The following LPP variants were observed in gnomAD, a reference collection of about 807,000 sequenced individuals.
LPP encodes the protein lipoma-preferred partner.
A neutral mutation model predicts 60.4 loss-of-function variants in LPP; 38 were observed. The ratio of observed to expected loss-of-function variants is 0.63; its 90% CI spans 0.49 to 0.83. The LOEUF is 0.83. Among genes scored for constraint, LPP ranks in the 40% least tolerant of loss-of-function variants. The probability of loss-of-function intolerance (pLI) is 0.00; values close to 1 mark genes in which losing one functional copy is unlikely to be tolerated. For missense variants in LPP, 902 were observed against 783.6 expected (o/e 1.15, Z -1.80); for synonymous variants, 328 against 290.8 (o/e 1.13, Z -1.30).
chr3:188,321,919 A>G (rs1757070988), intron 2 of LPP, among the ~76,000 whole-genome samples: 1 of 152,232 alleles, frequency 6.6e-6, no homozygotes, highest in Non-Finnish European at 1.5e-5. Flanking sequence ...GCCAGCAAAA[A>G]TGAAGAACAT....
chr3:188,510,370 A>C (rs1240090521), intron 5 of LPP, among the ~76,000 whole-genome samples: 2 of 152,168 alleles, frequency 1.3e-5, no homozygotes, highest in Admixed American at 1.3e-4. Flanking sequence ...TTCATTTCTG[A>C]TTAAGGTGAA....
intron 9 of LPP, among the ~76,000 whole-genome samples, chr3:188,863,981 C>T (rs1177125718): frequency 6.9e-6 from 1 of 145,564 alleles, no homozygotes; most frequent in Non-Finnish European, 1.5e-5. Context: ...AAAGTAAAAA[C>T]CCACAGAGGA....
At position 188,609,322 on chromosome 3, in the gene LPP, A is replaced by C. The variant is rs758259589; in HGVS notation, c.591A>C (p.Gly197=). ...QAGPIPVAPI[G]TLKPQPQPVP... ...GACCCATCCCTGTGGCTCCAATCGG[A>C]ACACTCAAACCCCAGCCTCAGCCAG... The change falls in exon 7 of 12, where the codon GGA becomes GGC. Residue 197 remains glycine (G), a synonymous_variant. Transcript: ENST00000617246. This position sits in a 1 kb window ranked among gnomAD's most constrained non-coding sequence, Gnocchi z 6.9. 3 of 1,614,024 alleles carry C rather than the reference A, an allele frequency of 1.9e-6. No homozygotes were observed. Among genetic ancestry groups the C allele is most frequent in the Non-Finnish European group, 2.5e-6 (3 of 1,180,008 alleles).
In LPP at chr3:188,178,817, C is replaced by T. The variant is rs534087234; in HGVS notation, c.-190+24565C>T. ...GAAACAGACATGAAAGCCAAATTGG[C>T]GCAGTGGGTGAAGTATTGTAATACT... On this transcript the variant is annotated intron_variant, in intron 1 of 11. Transcript: ENST00000617246. 248 of 171,704 alleles carry T rather than the reference C, an allele frequency of 1.4e-3. 1 individual carries two copies. The highest frequency in any genetic ancestry group is 5.2e-3 in the African/African-American group (217 of 41,748). The allele number at this position is 171,704 out of a possible 1,614,324, so 10.6% of individuals were successfully genotyped here.
chr3:188,390,981 T>G (rs1779560500), intron 3 of LPP, among the ~76,000 whole-genome samples: 1 of 152,206 alleles, frequency 6.6e-6, no homozygotes, highest in Non-Finnish European at 1.5e-5. Flanking sequence ...AGATTCCTAT[T>G]CCCTTTTAAA....
chr3:188,281,799 A>C (rs1028941507), intron 2 of LPP, among the ~76,000 whole-genome samples: 11 of 152,092 alleles, frequency 7.2e-5, no homozygotes, highest in African/African-American at 2.2e-4. Flanking sequence ...ATACCTGTAA[A>C]TATATGTTTA....
Position 188,886,518 on chromosome 3 carries a change from C to T in LPP, c.*12039C>T, listed in dbSNP as rs1054897333. 97 of 190,416 alleles carry T rather than the reference C, an allele frequency of 5.1e-4. No homozygotes were observed. The highest frequency in any genetic ancestry group is 2.3e-3 in the African/African-American group (94 of 40,116). 11.8% of individuals were successfully genotyped at this position (190,416 alleles called of 1,614,324 possible). ...CACATGGGTGGAATCTGTGTTGTCT[C>T]ATCAGAGGGAATAAAAAGACAATGA... On this transcript the variant is annotated 3_prime_UTR_variant, in exon 12 of 12. Transcript: ENST00000617246.
chr3:188,665,833 T>G (rs180790490), intron 7 of LPP, among the ~76,000 whole-genome samples: 14 of 152,320 alleles, frequency 9.2e-5, no homozygotes, highest in Admixed American at 9.1e-4. Context: ...TCCTTTCCTT[T>G]GTAACATCAG....
intron 4 of LPP, among the ~76,000 whole-genome samples, chr3:188,462,296 A>G (rs1799144720): frequency 6.6e-6 from 1 of 151,446 alleles, no homozygotes; most frequent in Non-Finnish European, 1.5e-5. Context: ...GATACTAACT[A>G]ATGTAGCTAA....
At chr3:188,573,725 C>G (rs1027652008) in intron 6 of LPP, among the ~76,000 whole-genome samples, 1 of 137,880 alleles carries the variant, frequency 7.3e-6, no homozygotes, top group Non-Finnish European at 1.6e-5. Context: ...GCTGTGAACA[C>G]AAACTGTGTT....
At chr3:188,291,421 C>T (rs112272719) in intron 2 of LPP, among the ~76,000 whole-genome samples, 3,361 of 151,966 alleles carry the variant, frequency 0.022, 56 homozygotes, top group Non-Finnish European at 0.031. Flanking sequence ...GGGTGGATCA[C>T]GAGGTCAGGA....
chr3:188,503,980 G>T (rs1812718280), intron 5 of LPP, among the ~76,000 whole-genome samples: 1 of 152,110 alleles, frequency 6.6e-6, no homozygotes, highest in African/African-American at 2.4e-5. Context: ...TCTTGGCTTT[G>T]ATCAAATTTG....
intron 9 of LPP, among the ~76,000 whole-genome samples, chr3:188,853,834 T>G (rs1405124670): frequency 1.3e-5 from 2 of 152,186 alleles, no homozygotes; most frequent in Admixed American, 6.5e-5. Flanking sequence ...TTTTTCTTTT[T>G]TTTTTTTCCT....
intron 3 of LPP, among the ~76,000 whole-genome samples, chr3:188,404,210 T>G (rs963275139): frequency 2.0e-5 from 3 of 152,144 alleles, no homozygotes; most frequent in African/African-American, 7.2e-5. Context: ...TTGGTTGCCA[T>G]AAAAATTCTG....
intron 7 of LPP, among the ~76,000 whole-genome samples, chr3:188,695,412 T>C (rs1424052813): frequency 6.6e-6 from 1 of 152,214 alleles, no homozygotes; most frequent in Non-Finnish European, 1.5e-5. Context: ...CACTGAGTCA[T>C]TCATATTCTC....
At chr3:188,455,066 C>T (rs1193703734) in intron 4 of LPP, among the ~76,000 whole-genome samples, 1 of 152,068 alleles carries the variant, frequency 6.6e-6, no homozygotes, top group Non-Finnish European at 1.5e-5. Flanking sequence ...TTTGTCTTTG[C>T]AAGATCTGAG....
At chr3:188,638,594 A>C (rs1211792843) in intron 7 of LPP, among the ~76,000 whole-genome samples, 1 of 148,968 alleles carries the variant, frequency 6.7e-6, no homozygotes, top group Non-Finnish European at 1.5e-5. Flanking sequence ...TGCAGATGAC[A>C]TGATTGTATA....
chr3:188,160,939 T>C (rs1251790588), intron 1 of LPP, among the ~76,000 whole-genome samples: 1 of 152,098 alleles, frequency 6.6e-6, no homozygotes, highest in African/African-American at 2.4e-5. Context: ...AGACATTTGG[T>C]TGGGTTTTGA....
intron 2 of LPP, among the ~76,000 whole-genome samples, chr3:188,299,388 G>A (rs549863336): frequency 3.1e-4 from 47 of 152,224 alleles, no homozygotes; most frequent in Non-Finnish European, 4.4e-4. Flanking sequence ...CATTTGAGCT[G>A]TGTTGCTTCT....
Sources: gnomAD v4.1 joint callset for allele counts (sites outside exome capture counted in the v4.1 genomes callset) on GRCh38, gnomAD v4.1.1 for gene constraint, Gnocchi (gnomAD v3.1) non-coding constraint, MANE v1.5 for transcripts, NCBI Gene and HGNC (gene_info 2026-07-23, HGNC 2026-07-21) for gene names.